Variants in STK32B observed in about 807,000 individuals in gnomAD.
STK32B encodes serine/threonine-protein kinase 32B.
Under a neutral mutation model 52.6 loss-of-function variants are expected in STK32B, and 43 were observed. The ratio of observed to expected loss-of-function variants is 0.82; its 90% confidence interval spans 0.64 to 1.05. The LOEUF (loss-of-function observed/expected upper bound fraction) is 1.05, where lower values mean the gene tolerates loss of function less well. STK32B is among the 50% of genes least tolerant of loss of function. STK32B has a pLI of 0.00. For missense variants in STK32B, 621 were observed against 534.6 expected (o/e 1.16, Z -1.59); for synonymous variants, 238 against 204.3 (o/e 1.17, Z -1.41).
At chr4:5,032,181 A>T in the STK32B span, among the ~76,000 whole-genome samples, 1 of 151,894 alleles carries the variant, frequency 6.6e-6, no homozygotes, top group African/African-American at 2.4e-5. Context: ...AAGAAAAAAA[A>T]AAAAAAACCT....
chr4:5,077,722 G>A (rs1032512091), intron 1 of STK32B, among the ~76,000 whole-genome samples: 4 of 152,052 alleles, frequency 2.6e-5, no homozygotes, highest in East Asian at 1.9e-4. Context: ...AAGAGGCTGC[G>A]GGGGAAGGCA....
At chr4:5,319,396 G>A (rs1731335638) in intron 3 of STK32B, among the ~76,000 whole-genome samples, 1 of 152,206 alleles carries the variant, frequency 6.6e-6, no homozygotes. Flanking sequence ...AATTGGATAT[G>A]TAGCTGCCAG....
chr4:5,181,361 C>T (rs199908366), intron 3 of STK32B, among the ~76,000 whole-genome samples: 4,150 of 105,006 alleles, frequency 0.04, 73 homozygotes, highest in East Asian at 0.062. Flanking sequence ...CACACACACA[C>T]ACACACAGAG....
At chr4:5,046,704 A>G (rs546525738), upstream of STK32B, among the ~76,000 whole-genome samples, 1 of 152,384 alleles carries the variant, frequency 6.6e-6, no homozygotes, top group South Asian at 2.1e-4. Flanking sequence ...TCTCAAAAGA[A>G]GACATTTATG....
At chr4:5,249,441 A>ACCTACCTTCCTTCCTT (rs1182902469) in intron 3 of STK32B, among the ~76,000 whole-genome samples, 2 of 137,340 alleles carry the variant, frequency 1.5e-5, no homozygotes, top group Non-Finnish European at 3.2e-5. Context: ...CTTCCTACCT[A>ACCTACCTTCCTTCCTT]CCTTCCTTCC....
chr4:5,172,945 T>G (rs1329453399), intron 3 of STK32B, among the ~76,000 whole-genome samples: 3 of 152,206 alleles, frequency 2.0e-5, no homozygotes, highest in East Asian at 1.9e-4. Context: ...GTCCTGGAAT[T>G]TTTTTAGTTG....
chr4:5,035,689 A>G, the STK32B span, among the ~76,000 whole-genome samples: 2 of 152,222 alleles, frequency 1.3e-5, no homozygotes, highest in Non-Finnish European at 2.9e-5. Flanking sequence ...ATGCATACTC[A>G]ACGAGCTGAA....
intron 1 of STK32B, among the ~76,000 whole-genome samples, chr4:5,115,547 C>T (rs1714667551): frequency 6.6e-6 from 1 of 152,110 alleles, no homozygotes; most frequent in Admixed American, 6.5e-5. Flanking sequence ...ATCTTAAAAG[C>T]CCTCAGCCAG....
intron 6 of STK32B, chr4:5,426,822 C>G (rs1713149935): frequency 6.6e-6 from 1 of 151,294 alleles, no homozygotes; most frequent in Non-Finnish European, 1.5e-5. Flanking sequence ...AATATTTTCT[C>G]CAAGTCAGTG....
chr4:5,319,646 C>T (rs1040160031), intron 3 of STK32B, among the ~76,000 whole-genome samples: 1 of 152,204 alleles, frequency 6.6e-6, no homozygotes. Flanking sequence ...TATTTCTGGA[C>T]CATTGTCCTT....
intron 6 of STK32B, among the ~76,000 whole-genome samples, chr4:5,436,130 G>C (rs1333057098): frequency 2.0e-5 from 3 of 152,172 alleles, no homozygotes; most frequent in African/African-American, 4.8e-5. Context: ...CTCTGGGCCA[G>C]ACTGGTCCCC....
chr4:5,035,786 T>C, the STK32B span, among the ~76,000 whole-genome samples: 1 of 151,734 alleles, frequency 6.6e-6, no homozygotes, highest in Non-Finnish European at 1.5e-5. Flanking sequence ...TGTAAATTTT[T>C]TTTTTTTTTT....
intron 1 of STK32B, among the ~76,000 whole-genome samples, chr4:5,124,652 T>A (rs1715252092): frequency 6.6e-6 from 1 of 152,244 alleles, no homozygotes; most frequent in African/African-American, 2.4e-5. Context: ...CCAGTTTGTG[T>A]TAGGCTACTA....
At chr4:5,306,804 T>C (rs749104322) in intron 3 of STK32B, among the ~76,000 whole-genome samples, 1 of 152,186 alleles carries the variant, frequency 6.6e-6, no homozygotes, top group African/African-American at 2.4e-5. Context: ...ATTTAGAGCT[T>C]CTTTAAGCAG....
At chr4:5,258,032 T>G (rs1432480911) in intron 3 of STK32B, among the ~76,000 whole-genome samples, 1 of 152,220 alleles carries the variant, frequency 6.6e-6, no homozygotes, top group African/African-American at 2.4e-5. Context: ...CTTACTCCTT[T>G]CTGTGACTTG....
chr4:5,298,799 G>A (rs907920338), intron 3 of STK32B, among the ~76,000 whole-genome samples: 1 of 150,578 alleles, frequency 6.6e-6, no homozygotes, highest in Non-Finnish European at 1.5e-5. Flanking sequence ...GGAGTGAATG[G>A]TTCTGTCTCA....
intron 1 of STK32B, among the ~76,000 whole-genome samples, chr4:5,055,832 C>T (rs1577616480): frequency 6.6e-6 from 1 of 151,934 alleles, no homozygotes; most frequent in East Asian, 1.9e-4. Context: ...GACCACCCTA[C>T]TTAAAATGTC....
At chr4:5,405,225 G>T (rs886445977) in intron 5 of STK32B, among the ~76,000 whole-genome samples, 1 of 151,928 alleles carries the variant, frequency 6.6e-6, no homozygotes, top group Admixed American at 6.6e-5. Flanking sequence ...ATTCACCACC[G>T]AGATCCCCAA....
intron 2 of STK32B, among the ~76,000 whole-genome samples, chr4:5,157,829 C>T (rs1291897365): frequency 2.6e-5 from 4 of 152,190 alleles, no homozygotes; most frequent in Admixed American, 6.5e-5. Context: ...GGTCAAGTTG[C>T]CTAACTTCTC....
Sources: gnomAD v4.1 joint callset for allele counts (sites outside exome capture counted in the v4.1 genomes callset) on GRCh38, gnomAD v4.1.1 for gene constraint, MANE v1.5 for transcripts, NCBI Gene and HGNC (gene_info 2026-07-23, HGNC 2026-07-21) for gene names.